The following RBFOX3 variants were observed in gnomAD, a reference collection of about 807,000 sequenced individuals.
RBFOX3 encodes the protein RNA binding fox-1 homolog 3, also known as RNA binding protein fox-1 homolog 3.
RBFOX3 carries 17 observed loss-of-function variants against 48.7 expected under a neutral mutation model. The ratio of observed to expected loss-of-function variants is 0.35; its 90% CI spans 0.24 to 0.52. RBFOX3 has a LOEUF of 0.52. Among genes scored for constraint, RBFOX3 ranks in the 20% least tolerant of loss-of-function variants. RBFOX3 has a pLI of 0.94. For missense variants in RBFOX3, 382 were observed against 497.5 expected (o/e 0.77, Z 2.21); for synonymous variants, 212 against 209.5 (o/e 1.01, Z -0.10).
At chr17:79,631,853 C>T in the RBFOX3 span, among the ~76,000 whole-genome samples, 1 of 152,306 alleles carries the variant, frequency 6.6e-6, no homozygotes, top group East Asian at 1.9e-4. Flanking sequence ...TGTGGGGTCC[C>T]TGGAGTGTCG....
chr17:79,097,178 C>A lies in RBFOX3; in HGVS notation c.755+114G>T, dbSNP rs578180117. On this transcript the variant is annotated intron_variant, in intron 11 of 14. Transcript: ENST00000693108. ...TTCTGGGGCTCCCACGATCCTCCCC[C>A]CCCCCAGGTCTGGAAAGGCTGCCTA... 3.4e-4 allele frequency: 298 copies of A among 884,166 alleles called. 2 individuals carry two copies. The highest frequency in any genetic ancestry group is 1.0e-3 in the East Asian group (35 of 34,298). The allele number at this position is 884,166 out of a possible 1,614,324, so 54.8% of individuals were successfully genotyped here. A position where few individuals can be genotyped will look rare whatever the true frequency, so the allele number is the denominator to read the frequency against.
At chr17:79,119,052 C>T (rs144605035) in intron 4 of RBFOX3, among the ~76,000 whole-genome samples, 31 of 151,842 alleles carry the variant, frequency 2.0e-4, no homozygotes, top group East Asian at 1.2e-3. Context: ...TCCTTCTCAC[C>T]CTACCTCTAA....
At chr17:79,173,026 T>C (rs1327380021) in intron 4 of RBFOX3, among the ~76,000 whole-genome samples, 1 of 152,140 alleles carries the variant, frequency 6.6e-6, no homozygotes, top group African/African-American at 2.4e-5. Context: ...CTGGCCAACA[T>C]GGTGAAACCC....
chr17:79,350,191 C>G (rs2083638787), intron 2 of RBFOX3, among the ~76,000 whole-genome samples: 2 of 152,172 alleles, frequency 1.3e-5, no homozygotes, highest in South Asian at 2.1e-4. Flanking sequence ...TGCAGCTGCC[C>G]TGGCAGCCCC....
rs951690608 is a variant in RBFOX3, at chr17:79,591,883, G to A, written c.-320+18943C>T. Among the ~76,000 whole-genome samples, 112 of 151,620 alleles carry A rather than the reference G, an allele frequency of 7.4e-4. No homozygotes were observed. In the East Asian group the frequency reaches 0.014, roughly 18 times the overall value. ...GGAGGGTGTGTGGAGGCATGTGCAC[G>A]TGTGGAGGGTGTGTGGAGGGGTGTG... On this transcript the variant is annotated intron_variant, in intron 1 of 14. Transcript: ENST00000693108.
chr17:79,526,643 C>T (rs1280422914), intron 1 of RBFOX3, among the ~76,000 whole-genome samples: 14 of 152,302 alleles, frequency 9.2e-5, no homozygotes, highest in South Asian at 8.3e-4. Context: ...AGGGCACCAC[C>T]GTCCCAGACA....
At chr17:79,293,061 G>C (rs981847396) in intron 3 of RBFOX3, among the ~76,000 whole-genome samples, 3 of 152,086 alleles carry the variant, frequency 2.0e-5, no homozygotes, top group African/African-American at 7.2e-5. Context: ...ATTTTACAGT[G>C]CCACTGTTAG....
In RBFOX3 at chr17:79,198,251, C is replaced by G; in HGVS notation, c.-34+37515G>C. ...AATCATGGGTGACAACCGCCTCTGG[C>G]CAGCCCTCTGCCCTCGCCCCTGCCC... On this transcript the variant is annotated intron_variant, in intron 4 of 14. Transcript: ENST00000693108. The surrounding 1 kb of genome is among the most constrained non-coding windows in gnomAD (Gnocchi z 8.2). 6.6e-6 allele frequency among the ~76,000 whole-genome samples: 1 copy of G among 152,204 alleles called. No homozygotes were observed.
chr17:79,229,040 A>T (rs184138555), intron 4 of RBFOX3, among the ~76,000 whole-genome samples: 10,512 of 145,048 alleles, frequency 0.072, 457 homozygotes, highest in African/African-American at 0.12. Context: ...CCAGCTGGCC[A>T]ATATGGTGAA....
At chr17:79,271,835 G>C (rs1344291879) in intron 3 of RBFOX3, among the ~76,000 whole-genome samples, 1 of 152,234 alleles carries the variant, frequency 6.6e-6, no homozygotes, top group South Asian at 2.1e-4. Flanking sequence ...CATGAGGAGA[G>C]TCAGGACCTA....
Position 79,260,250 on chromosome 17 carries a change from C to T in RBFOX3, c.-73-24445G>A, listed in dbSNP as rs118011297. On this transcript the variant is annotated intron_variant, in intron 3 of 14. Coordinates refer to ENST00000693108, the MANE Select transcript of RBFOX3 (RefSeq NM_001350451.2). ...CTCCCCACTGGCTAGCTGTCGGGGA[C>T]CCCCTGCCCTGCTGAGGCTCAGCTT... Among the ~76,000 whole-genome samples, 1,327 of 152,180 alleles carry T rather than the reference C, an allele frequency of 8.7e-3. 13 individuals carry two copies. Among genetic ancestry groups the T allele is most frequent in the Middle Eastern group, 0.027 (8 of 294 alleles).
chr17:79,092,644 G>T (rs2074164524), intron 14 of RBFOX3: 1 of 987,032 alleles, frequency 1.0e-6, no homozygotes, highest in African/African-American at 1.8e-5. Context: ...AGGCTAGCCT[G>T]CAACATCAAA....
At chr17:79,486,511 T>A (rs2079628493) in intron 1 of RBFOX3, among the ~76,000 whole-genome samples, 1 of 152,176 alleles carries the variant, frequency 6.6e-6, no homozygotes, top group South Asian at 2.1e-4. Context: ...GATCCCATCC[T>A]GTCCCCTACA....
chr17:79,262,641 C>T (rs1484852996), intron 3 of RBFOX3, among the ~76,000 whole-genome samples: 3 of 152,202 alleles, frequency 2.0e-5, no homozygotes, highest in Non-Finnish European at 4.4e-5. Context: ...TCTGTGCAGG[C>T]TCACGGTGCC....
intron 2 of RBFOX3, among the ~76,000 whole-genome samples, chr17:79,403,142 G>T (rs114372392): frequency 1.3e-5 from 2 of 152,144 alleles, no homozygotes; most frequent in African/African-American, 4.8e-5. Flanking sequence ...CCTCCCCCTC[G>T]CTGGGGCCCT....
chr17:79,167,752 C>G (rs76390859), intron 4 of RBFOX3, among the ~76,000 whole-genome samples: 4,684 of 152,318 alleles, frequency 0.031, 238 homozygotes, highest in African/African-American at 0.11. Context: ...CTCTTCAACC[C>G]TGGCCCTACC....
At chr17:79,501,078 C>A (rs1201840210) in intron 1 of RBFOX3, among the ~76,000 whole-genome samples, 1 of 152,164 alleles carries the variant, frequency 6.6e-6, no homozygotes, top group Non-Finnish European at 1.5e-5. Flanking sequence ...GCGCACGTGG[C>A]GTAAATCACT....
At chr17:79,643,823 C>T in the RBFOX3 span, among the ~76,000 whole-genome samples, 1 of 152,020 alleles carries the variant, frequency 6.6e-6, no homozygotes, top group African/African-American at 2.4e-5. Context: ...CTTTAATATG[C>T]TTATATTAAA....
Position 79,390,452 on chromosome 17 carries a change from G to T in RBFOX3, c.-174-82628C>A, listed in dbSNP as rs79087642. Reference sequence around the variant, plus strand: ...AAAATGCACTCAGAGTCCAACCGGCGTGGAAATACAGTCTTTGCGCCACTG... The same window carrying T: ...AAAATGCACTCAGAGTCCAACCGGCTTGGAAATACAGTCTTTGCGCCACTG... On this transcript the variant is annotated intron_variant, in intron 2 of 14. Coordinates refer to ENST00000693108, the MANE Select transcript of RBFOX3 (RefSeq NM_001350451.2). This position sits in a 1 kb window ranked among gnomAD's most constrained non-coding sequence, Gnocchi z 4.2. 6.6e-6 allele frequency among the ~76,000 whole-genome samples: 1 copy of T among 151,142 alleles called. No individual in the cohort carries two copies. The highest frequency in any genetic ancestry group is 2.4e-5 in the African/African-American group (1 of 41,012).
Sources: allele counts gnomAD v4.1 joint callset (sites outside exome capture counted in the v4.1 genomes callset), GRCh38; gene constraint gnomAD v4.1.1; non-coding constraint Gnocchi (gnomAD v3.1); transcripts MANE v1.5; gene names NCBI Gene and HGNC (gene_info 2026-07-23, HGNC 2026-07-21).